Variants in KCNH5 observed in about 807,000 individuals in gnomAD.
KCNH5 encodes the protein potassium voltage-gated channel subfamily H member 5.
A neutral mutation model predicts 96.1 loss-of-function variants in KCNH5; 46 were observed. The ratio of observed to expected loss-of-function variants is 0.48; its 90% CI spans 0.38 to 0.61. The LOEUF (loss-of-function observed/expected upper bound fraction) is 0.61, where lower values mean the gene tolerates loss of function less well. Ranked by LOEUF, KCNH5 falls within the 20% of genes least tolerant of loss-of-function variation. The pLI is 0.00. For missense variants in KCNH5, 907 were observed against 1,225.8 expected (o/e 0.74, Z 3.88); for synonymous variants, 439 against 449.8 (o/e 0.98, Z 0.30).
chr14:62,860,732 G>T (rs921054897), intron 7 of KCNH5, among the ~76,000 whole-genome samples: 2 of 152,148 alleles, frequency 1.3e-5, no homozygotes, highest in Admixed American at 1.3e-4. Flanking sequence ...CATTGCTTAA[G>T]GCATCACACC....
At chr14:62,995,084 C>T (rs1378325846) in intron 4 of KCNH5, among the ~76,000 whole-genome samples, 1 of 152,014 alleles carries the variant, frequency 6.6e-6, no homozygotes, top group Admixed American at 6.6e-5. Context: ...TAGTTATTTT[C>T]CCAGATATGA....
At chr14:62,897,990 G>A (rs567794265) in intron 7 of KCNH5, among the ~76,000 whole-genome samples, 4 of 152,130 alleles carry the variant, frequency 2.6e-5, no homozygotes, top group African/African-American at 7.2e-5. Context: ...TGAAACTCAT[G>A]AGTATAATTG....
chr14:62,735,662 T>C (rs747759290), intron 10 of KCNH5, among the ~76,000 whole-genome samples: 1 of 152,214 alleles, frequency 6.6e-6, no homozygotes, highest in Non-Finnish European at 1.5e-5. Context: ...GCCACTGTTA[T>C]GAATCCTCCA....
intron 7 of KCNH5, among the ~76,000 whole-genome samples, chr14:62,866,431 G>C (rs1406760393): frequency 6.6e-6 from 1 of 152,090 alleles, no homozygotes; most frequent in African/African-American, 2.4e-5. Flanking sequence ...AGCAACACTT[G>C]GTACCAAATG....
At chr14:62,716,959 C>G (rs1884699956) in intron 10 of KCNH5, among the ~76,000 whole-genome samples, 1 of 152,082 alleles carries the variant, frequency 6.6e-6, no homozygotes, top group Non-Finnish European at 1.5e-5. Flanking sequence ...ATGCAGTATA[C>G]ACATTCAATA....
At chr14:62,929,434 T>C (rs1486231455) in intron 7 of KCNH5, among the ~76,000 whole-genome samples, 2 of 152,044 alleles carry the variant, frequency 1.3e-5, no homozygotes, top group Admixed American at 6.6e-5. Context: ...AAATATGTCA[T>C]ATCATGTCAT....
At chr14:63,045,060 G>A in intron 1 of KCNH5, 54 bp downstream of exon 1, 2 of 1,350,934 alleles carry the variant, frequency 1.5e-6, no homozygotes, top group South Asian at 1.2e-5. Flanking sequence ...GAGGATGGGG[G>A]GCGCGTGTGG....
At chr14:63,037,889 A>G (rs1446812406) in intron 1 of KCNH5, among the ~76,000 whole-genome samples, 1 of 152,234 alleles carries the variant, frequency 6.6e-6, no homozygotes, top group Non-Finnish European at 1.5e-5. Flanking sequence ...CAAAGTTGTT[A>G]AAATAATTTA....
chr14:63,003,806 G>A lies in KCNH5; in HGVS notation c.305-2347C>T, dbSNP rs537049800. Among the ~76,000 whole-genome samples the A allele has an allele frequency of 2.0e-5, 3 of 150,242 alleles. No homozygotes were observed. The South Asian group carries it at 6.3e-4, about 31-fold the overall frequency. ...CGGCTAATTTTTTGTATTTTTAGTA[G>A]AGACGGGGTTTCACCGTGTTAACCA... On this transcript the variant is annotated intron_variant, in intron 3 of 10. Transcript: ENST00000322893.
chr14:62,709,036 G>C (rs918898239), intron 10 of KCNH5, among the ~76,000 whole-genome samples: 10 of 151,598 alleles, frequency 6.6e-5, no homozygotes, highest in African/African-American at 1.9e-4. Flanking sequence ...ACGAGGTCAG[G>C]AGATCGAGAC....
intron 9 of KCNH5, among the ~76,000 whole-genome samples, chr14:62,792,643 C>T (rs77913478): frequency 0.017 from 2,559 of 151,664 alleles, 27 homozygotes; most frequent in Non-Finnish European, 0.025. Context: ...TTGAAGCCTA[C>T]GATATCGTTC....
intron 8 of KCNH5, among the ~76,000 whole-genome samples, chr14:62,826,258 G>C (rs1173700425): frequency 6.6e-6 from 1 of 151,776 alleles, no homozygotes; most frequent in Non-Finnish European, 1.5e-5. Context: ...AACTCCTATA[G>C]CTTCATTGTG....
intron 6 of KCNH5, among the ~76,000 whole-genome samples, chr14:62,976,402 CAAAAAAA>C (rs58791042): frequency 5.9e-5 from 5 of 85,292 alleles, no homozygotes; most frequent in East Asian, 3.9e-4. Flanking sequence ...GACTCCATGT[CAAAAAAA>C]AAAAAAAAAA....
intron 8 of KCNH5, among the ~76,000 whole-genome samples, chr14:62,803,671 G>A (rs1886709875): frequency 6.6e-6 from 1 of 152,078 alleles, no homozygotes; most frequent in Non-Finnish European, 1.5e-5. Context: ...GCTTTTATTG[G>A]CTACAGCTTT....
chr14:62,800,819 T>C (rs1254318716), intron 9 of KCNH5, among the ~76,000 whole-genome samples: 3 of 152,058 alleles, frequency 2.0e-5, no homozygotes, highest in African/African-American at 7.2e-5. Context: ...AATGTACAAC[T>C]TTTTATGAAG....
chr14:62,724,745 T>C (rs544040952), intron 10 of KCNH5, among the ~76,000 whole-genome samples: 1 of 152,360 alleles, frequency 6.6e-6, no homozygotes. Flanking sequence ...AGTCAAGTAC[T>C]AGCTAATAAC....
At chr14:62,825,628 T>C (rs929657720) in intron 8 of KCNH5, among the ~76,000 whole-genome samples, 6 of 152,114 alleles carry the variant, frequency 3.9e-5, no homozygotes, top group Admixed American at 2.6e-4. Context: ...TACAAACACA[T>C]CCATAGGTGA....
intron 10 of KCNH5, 77 bp downstream of exon 10, chr14:62,779,651 T>G: frequency 1.7e-6 from 2 of 1,209,608 alleles, no homozygotes; most frequent in East Asian, 5.0e-5. Flanking sequence ...AAATATCTTC[T>G]CTACTCTTCA....
At chr14:62,748,687 G>C (rs546954812) in intron 10 of KCNH5, among the ~76,000 whole-genome samples, 1 of 152,208 alleles carries the variant, frequency 6.6e-6, no homozygotes, top group African/African-American at 2.4e-5. Flanking sequence ...CTTGCATTTA[G>C]GGTAGAGAGG....
Sources: gnomAD v4.1 joint callset for allele counts (sites outside exome capture counted in the v4.1 genomes callset) on GRCh38, gnomAD v4.1.1 for gene constraint, MANE v1.5 for transcripts, NCBI Gene and HGNC (gene_info 2026-07-23, HGNC 2026-07-21) for gene names.